The following KIRREL3 variants were observed in gnomAD, a reference collection of about 807,000 sequenced individuals.
KIRREL3 encodes kirre like nephrin family adhesion molecule 3, also known as kin of IRRE-like protein 3.
KIRREL3 carries 36 observed loss-of-function variants against 89.7 expected under a neutral mutation model. That is an observed-to-expected ratio of 0.40 (90% CI 0.31 to 0.53). KIRREL3 has a LOEUF of 0.53. Ranked by LOEUF, KIRREL3 falls within the 20% of genes least tolerant of loss-of-function variation. The pLI is 0.49. For missense variants in KIRREL3, 864 were observed against 1,056.6 expected (o/e 0.82, Z 2.53); for synonymous variants, 445 against 441.4 (o/e 1.01, Z -0.10).
rs149603641 is a variant in KIRREL3, at chr11:126,557,833, C to T, written c.133+5002G>A. Among the ~76,000 whole-genome samples the T allele has an allele frequency of 1.1e-3, 168 of 152,254 alleles. 4 individuals carry two copies. The East Asian group carries it at 0.031, about 28-fold the overall frequency. ...CCTGGACTGGGACCACAGTGCTGTT[C>T]GGGAGCTGTGGGCCATGCAAGAGGC... On this transcript the variant is annotated intron_variant, in intron 2 of 16. Coordinates refer to ENST00000525144, the MANE Select transcript of KIRREL3 (RefSeq NM_032531.4). The surrounding 1 kb of genome is among the most constrained non-coding windows in gnomAD (Gnocchi z 5.6).
At chr11:126,864,147 CCCTT>C (rs1944843686) in intron 1 of KIRREL3, among the ~76,000 whole-genome samples, 1 of 152,158 alleles carries the variant, frequency 6.6e-6, no homozygotes, top group Non-Finnish European at 1.5e-5. Flanking sequence ...CTTATAAAAG[CCCTT>C]CCTTATCTAT....
rs1394649479 is a variant in KIRREL3, at chr11:126,441,799, G to A, written c.1253-1250C>T. On this transcript the variant is annotated intron_variant, in intron 10 of 16. Transcript: ENST00000525144. The surrounding 1 kb of genome is among the most constrained non-coding windows in gnomAD (Gnocchi z 5.0). Reference sequence around the variant, plus strand: ...AGTTTGAGAAGGCAAAAGGGCTCGGGGCAGCGTGAGGTGGGCGTGGGGGAC... The same window carrying A: ...AGTTTGAGAAGGCAAAAGGGCTCGGAGCAGCGTGAGGTGGGCGTGGGGGAC... Among the ~76,000 whole-genome samples, 1 of 152,138 alleles carries A rather than the reference G, an allele frequency of 6.6e-6. No homozygotes were observed. Among genetic ancestry groups the A allele is most frequent in the Non-Finnish European group, 1.5e-5 (1 of 68,028 alleles).
At chr11:126,845,620 C>G (rs1004481589) in intron 1 of KIRREL3, among the ~76,000 whole-genome samples, 1 of 152,120 alleles carries the variant, frequency 6.6e-6, no homozygotes, top group Non-Finnish European at 1.5e-5. Context: ...TGTGGCCGTC[C>G]TTTCTCTTTT....
chr11:126,632,473 C>T (rs991208607), intron 1 of KIRREL3, among the ~76,000 whole-genome samples: 4 of 152,168 alleles, frequency 2.6e-5, no homozygotes, highest in Non-Finnish European at 5.9e-5. Flanking sequence ...CTAAAATTAT[C>T]ACAATATTTG....
intron 1 of KIRREL3, among the ~76,000 whole-genome samples, chr11:126,881,203 G>C (rs551021235): frequency 2.0e-4 from 30 of 152,284 alleles, no homozygotes; most frequent in African/African-American, 7.0e-4. Context: ...TTAGGAGCTG[G>C]AATGAAACCA....
rs10699844 is a variant in KIRREL3, at chr11:126,755,878, C to CAGAG, written c.56-192970_56-192967dup. Among the ~76,000 whole-genome samples, 34,453 of 148,694 alleles carry CAGAG rather than the reference C, an allele frequency of 0.23. 4,430 individuals are homozygous for CAGAG. Among genetic ancestry groups the CAGAG allele is most frequent in the African/African-American group, 0.34 (13,653 of 40,398 alleles). On this transcript the variant is annotated intron_variant, in intron 1 of 16. Transcript: ENST00000525144. The surrounding 1 kb of genome is among the most constrained non-coding windows in gnomAD (Gnocchi z 4.3). Reference sequence around the variant, plus strand: ...GAGGGAGAGAGGGAGAGAGAAAAAACAGAGAGAGAGAGAGAGAGAGAAGAC... The same window carrying CAGAG: ...GAGGGAGAGAGGGAGAGAGAAAAAACAGAGAGAGAGAGAGAGAGAGAGAGAAGAC...
At chr11:126,633,576 A>G (rs1245902455) in intron 1 of KIRREL3, among the ~76,000 whole-genome samples, 3 of 152,108 alleles carry the variant, frequency 2.0e-5, no homozygotes, top group Non-Finnish European at 4.4e-5. Context: ...TGATCTGCAC[A>G]TCCCAGCTCC....
chr11:126,629,576 T>C lies in KIRREL3; in HGVS notation c.56-66664A>G, dbSNP rs1157319946. Reference sequence around the variant, plus strand: ...CCTTCCACGTGCTCCTCCAGATCCATGTCCACCCTGCCCTGTGCCCTGGGA... The same window carrying C: ...CCTTCCACGTGCTCCTCCAGATCCACGTCCACCCTGCCCTGTGCCCTGGGA... On this transcript the variant is annotated intron_variant, in intron 1 of 16. Transcript: ENST00000525144. Among the ~76,000 whole-genome samples, 7 of 152,204 alleles carry C rather than the reference T, an allele frequency of 4.6e-5. No individual in the cohort carries two copies. In the East Asian group the frequency reaches 7.7e-4, roughly 17 times the overall value.
At position 126,490,200 on chromosome 11, in the gene KIRREL3, TTGTGTGTG is replaced by T. The variant is rs10609593; in HGVS notation, c.434-16742_434-16735del. ...TATTTGCATTTGGCTTTGGAATGCATTGTGTGTGTGTGTGTGTGTGTGTGTGTGTGGCG... is the reference window on the plus strand; with the variant it reads ...TATTTGCATTTGGCTTTGGAATGCATTGTGTGTGTGTGTGTGTGTGTGGCG... On this transcript the variant is annotated intron_variant, in intron 4 of 16. Transcript: ENST00000525144. The surrounding 1 kb of genome is among the most constrained non-coding windows in gnomAD (Gnocchi z 4.2). Among the ~76,000 whole-genome samples the T allele has an allele frequency of 5.7e-5, 8 of 140,986 alleles. No homozygotes were observed. The highest frequency in any genetic ancestry group is 2.1e-4 in the East Asian group (1 of 4,682). The allele number at this position is 140,986 out of a possible 152,430, so 92.5% of individuals were successfully genotyped here.
chr11:126,554,656 T>C lies in KIRREL3; in HGVS notation c.133+8179A>G, dbSNP rs186607808. On this transcript the variant is annotated intron_variant, in intron 2 of 16. Transcript: ENST00000525144. The stretch of plus-strand genomic sequence containing the variant: ...ACTGTGTTGGGCTCCTGGGATCTAA[T>C]GGAGACCAAACAGAGCCAACTGACT... 3.5e-4 allele frequency among the ~76,000 whole-genome samples: 53 copies of C among 152,334 alleles called. 1 individual carries two copies. In the East Asian group the frequency reaches 7.5e-3, roughly 22 times the overall value.
intron 1 of KIRREL3, among the ~76,000 whole-genome samples, chr11:126,895,469 A>G (rs1592301891): frequency 6.8e-6 from 1 of 146,928 alleles, no homozygotes; most frequent in Non-Finnish European, 1.5e-5. Flanking sequence ...AAAAAAAAAA[A>G]GGAAAAAAGA....
rs997872642 is a variant in KIRREL3, at chr11:126,747,043, T to C, written c.56-184131A>G. ...ATAGACATGCTTCTGCCATCTTGGCTTAAAAACCTCCAGTGGTTCTGAACA... is the reference window on the plus strand; with the variant it reads ...ATAGACATGCTTCTGCCATCTTGGCCTAAAAACCTCCAGTGGTTCTGAACA... On this transcript the variant is annotated intron_variant, in intron 1 of 16. Transcript: ENST00000525144. This position sits in a 1 kb window ranked among gnomAD's most constrained non-coding sequence, Gnocchi z 4.7. Among the ~76,000 whole-genome samples, 15 of 152,222 alleles carry C rather than the reference T, an allele frequency of 9.9e-5. No individual in the cohort carries two copies. Among genetic ancestry groups the C allele is most frequent in the Non-Finnish European group, 1.9e-4 (13 of 68,042 alleles).
intron 1 of KIRREL3, among the ~76,000 whole-genome samples, chr11:126,598,128 C>T (rs938722634): frequency 3.9e-5 from 6 of 152,204 alleles, no homozygotes; most frequent in Admixed American, 1.3e-4. Context: ...GTCTGAAGAG[C>T]GGGACTTTCT....
chr11:126,867,974 T>C lies in KIRREL3; in HGVS notation c.55+132481A>G, dbSNP rs1343495295. ...CAATATAAACTTGATCATTCATTGA[T>C]TGGCCAGACAGCTCCCTGACTTGAG... On this transcript the variant is annotated intron_variant, in intron 1 of 16. Coordinates refer to ENST00000525144, the MANE Select transcript of KIRREL3 (RefSeq NM_032531.4). The surrounding 1 kb of genome is among the most constrained non-coding windows in gnomAD (Gnocchi z 4.7). 6.6e-6 allele frequency among the ~76,000 whole-genome samples: 1 copy of C among 150,380 alleles called. No homozygotes were observed. Among genetic ancestry groups the C allele is most frequent in the Non-Finnish European group, 1.5e-5 (1 of 67,768 alleles).
intron 1 of KIRREL3, chr11:126,936,468 A>G (rs753145055): frequency 3.3e-5 from 5 of 152,186 alleles, no homozygotes; most frequent in Non-Finnish European, 7.3e-5. Context: ...TCATAACAGC[A>G]ACAAAGTGGA....
intron 1 of KIRREL3, among the ~76,000 whole-genome samples, chr11:126,840,240 C>T (rs112537257): frequency 0.014 from 2,060 of 152,138 alleles, 48 homozygotes; most frequent in African/African-American, 0.047. Context: ...TAAGGAAATC[C>T]GGACTAGTTG....
Position 126,484,140 on chromosome 11 carries a change from C to T in KIRREL3, c.434-10674G>A, listed in dbSNP as rs901436163. On this transcript the variant is annotated intron_variant, in intron 4 of 16. Transcript: ENST00000525144. This position sits in a 1 kb window ranked among gnomAD's most constrained non-coding sequence, Gnocchi z 5.2. Reference sequence around the variant, plus strand: ...CTTAATAAATACTTGTTGCCTGGTGCCTTGCCTGATCCCACTGAATTAGAA... The same window carrying T: ...CTTAATAAATACTTGTTGCCTGGTGTCTTGCCTGATCCCACTGAATTAGAA... Among the ~76,000 whole-genome samples, 1 of 152,160 alleles carries T rather than the reference C, an allele frequency of 6.6e-6. No individual in the cohort carries two copies. Among genetic ancestry groups the T allele is most frequent in the African/African-American group, 2.4e-5 (1 of 41,440 alleles).
chr11:126,466,523 G>C (rs892386956), intron 5 of KIRREL3, among the ~76,000 whole-genome samples: 1 of 152,220 alleles, frequency 6.6e-6, no homozygotes, highest in Non-Finnish European at 1.5e-5. Context: ...GACAGGGCGG[G>C]ATGTGGAGGG....
Position 126,946,939 on chromosome 11 carries a change from T to C in KIRREL3, c.55+53516A>G, listed in dbSNP as rs1196082309. ...GATTGAATGTGCAGGCATTGAGTGG[T>C]TAAATAACTTCCTAGGCACACTGCT... On this transcript the variant is annotated intron_variant, in intron 1 of 16. Coordinates refer to ENST00000525144, the MANE Select transcript of KIRREL3 (RefSeq NM_032531.4). This position sits in a 1 kb window ranked among gnomAD's most constrained non-coding sequence, Gnocchi z 4.1. Among the ~76,000 whole-genome samples the C allele has an allele frequency of 6.6e-6, 1 of 152,146 alleles. No homozygotes were observed. Among genetic ancestry groups the C allele is most frequent in the Non-Finnish European group, 1.5e-5 (1 of 68,036 alleles).
Sources: gnomAD v4.1 joint callset for allele counts (sites outside exome capture counted in the v4.1 genomes callset) on GRCh38, gnomAD v4.1.1 for gene constraint, Gnocchi (gnomAD v3.1) non-coding constraint, MANE v1.5 for transcripts, NCBI Gene and HGNC (gene_info 2026-07-23, HGNC 2026-07-21) for gene names.